KCNH1: variants seen among roughly 807,000 people sequenced by gnomAD.
KCNH1 encodes the protein potassium voltage-gated channel subfamily H member 1.
A neutral mutation model predicts 69.2 loss-of-function variants in KCNH1; 27 were observed. The ratio of observed to expected loss-of-function variants is 0.39; its 90% confidence interval spans 0.29 to 0.54. KCNH1 has a LOEUF of 0.54. Ranked by LOEUF, KCNH1 falls within the 20% of genes least tolerant of loss-of-function variation. The pLI, the probability that KCNH1 is intolerant of heterozygous loss-of-function variation, is 0.68. For missense variants in KCNH1, 798 were observed against 1,261.6 expected, an observed-to-expected ratio of 0.63 and a Z score of 5.57; for synonymous variants, 456 against 487.7, an observed-to-expected ratio of 0.93 and a Z score of 0.86.
rs115607824 is a variant in KCNH1 at position 210,957,360 on chromosome 1, C to A, written c.1033-37291G>T. Among the ~76,000 whole-genome samples the A allele has an allele frequency of 2.0e-5, 3 of 151,974 alleles. No individual in the cohort carries two copies. In the East Asian group the frequency reaches 5.8e-4, roughly 29 times the overall value. ...TATGTTGTCAATTGTAGAAAAAGTG[C>A]GATGTGGTTCTGAGAAGAATGTATA... On this transcript the variant is annotated intron_variant, in intron 6 of 10. Coordinates refer to ENST00000271751, the MANE Select transcript of KCNH1 (RefSeq NM_172362.3).
At chr1:211,015,264 C>T (rs1048811551) in intron 6 of KCNH1, among the ~76,000 whole-genome samples, 1 of 152,172 alleles carries the variant, frequency 6.6e-6, no homozygotes, top group African/African-American at 2.4e-5. Flanking sequence ...TCAGTTTTGA[C>T]TCAACTGTCC....
intron 9 of KCNH1, among the ~76,000 whole-genome samples, chr1:210,794,358 A>G (rs1044250840): frequency 1.3e-5 from 2 of 152,208 alleles, no homozygotes; most frequent in African/African-American, 4.8e-5. Flanking sequence ...AGCTTTTTCT[A>G]GTGTAGACAG....
At chr1:211,083,188 G>A (rs1483264959) in intron 4 of KCNH1, among the ~76,000 whole-genome samples, 3 of 152,218 alleles carry the variant, frequency 2.0e-5, no homozygotes, top group African/African-American at 7.2e-5. Context: ...CAGAGTGCCT[G>A]GACAATGAGA....
intron 10 of KCNH1, among the ~76,000 whole-genome samples, chr1:210,738,945 C>T (rs1409708523): frequency 6.6e-6 from 1 of 152,142 alleles, no homozygotes; most frequent in African/African-American, 2.4e-5. Flanking sequence ...CCAATAAATT[C>T]TCCTTTTTCT....
chr1:210,870,287 G>A (rs544078685), intron 7 of KCNH1, among the ~76,000 whole-genome samples: 49 of 152,204 alleles, frequency 3.2e-4, no homozygotes, highest in African/African-American at 7.5e-4. Flanking sequence ...AAAACATCCA[G>A]TGTTGTCCCT....
chr1:211,133,804 A>G lies in KCNH1; in HGVS notation c.79+63T>C. 2.8e-6 allele frequency: 4 copies of G among 1,442,330 alleles called. No individual in the cohort carries two copies. The East Asian group carries it at 9.6e-5, about 35-fold the overall frequency. The allele number at this position is 1,442,330 out of a possible 1,614,324, so 89.3% of individuals were successfully genotyped here. ...GCATCTGCTGGCTCCGAGCGGCGAG[A>G]GGTTCTGCAATAAAGGCACGGATAA... On this transcript the variant is annotated intron_variant, in intron 1 of 10. Coordinates refer to ENST00000271751, the MANE Select transcript of KCNH1 (RefSeq NM_172362.3). This position sits in a 1 kb window ranked among gnomAD's most constrained non-coding sequence, Gnocchi z 5.4.
chr1:210,766,386 A>G (rs1286649258), intron 10 of KCNH1, among the ~76,000 whole-genome samples: 1 of 152,158 alleles, frequency 6.6e-6, no homozygotes, highest in Non-Finnish European at 1.5e-5. Context: ...TTAGCTGGGC[A>G]TAGTGGCACA....
intron 5 of KCNH1, among the ~76,000 whole-genome samples, chr1:211,025,944 A>G (rs893308313): frequency 6.6e-6 from 1 of 152,102 alleles, no homozygotes; most frequent in Non-Finnish European, 1.5e-5. Context: ...TTGTTTGATC[A>G]CCAATAGTCT....
chr1:211,076,909 C>T (rs931723499), intron 5 of KCNH1, among the ~76,000 whole-genome samples: 1 of 152,120 alleles, frequency 6.6e-6, no homozygotes, highest in African/African-American at 2.4e-5. Flanking sequence ...GTAGAGTAGA[C>T]CTTAAATGAC....
intron 7 of KCNH1, among the ~76,000 whole-genome samples, chr1:210,822,813 C>A (rs1056736410): frequency 6.6e-6 from 1 of 152,172 alleles, no homozygotes; most frequent in Non-Finnish European, 1.5e-5. Flanking sequence ...CTCCAAGGTT[C>A]TCCTCTGGGC....
At chr1:210,983,937 T>C (rs1688769205) in intron 6 of KCNH1, among the ~76,000 whole-genome samples, 1 of 152,230 alleles carries the variant, frequency 6.6e-6, no homozygotes, top group Non-Finnish European at 1.5e-5. Flanking sequence ...TTGTATCCTC[T>C]TTTATTGCAT....
intron 6 of KCNH1, among the ~76,000 whole-genome samples, chr1:211,012,749 G>A (rs1354945466): frequency 6.6e-6 from 1 of 152,102 alleles, no homozygotes; most frequent in Non-Finnish European, 1.5e-5. Flanking sequence ...TCCAAAGAAT[G>A]AACCCTCGTG....
At chr1:210,709,472 GACAAT>G (rs1448500219) in intron 10 of KCNH1, among the ~76,000 whole-genome samples, 1 of 152,150 alleles carries the variant, frequency 6.6e-6, no homozygotes, top group Non-Finnish European at 1.5e-5. Flanking sequence ...AGAACTGTGA[GACAAT>G]ACATTTCTGT....
rs182180766 is a variant in KCNH1 at position 210,826,172 on chromosome 1, C to G, written c.1463-22006G>C. 1.1e-4 allele frequency among the ~76,000 whole-genome samples: 17 copies of G among 151,892 alleles called. No homozygotes were observed. In the East Asian group the frequency reaches 2.5e-3, roughly 22 times the overall value. On this transcript the variant is annotated intron_variant, in intron 7 of 10. Coordinates refer to ENST00000271751, the MANE Select transcript of KCNH1 (RefSeq NM_172362.3). The stretch of plus-strand genomic sequence containing the variant: ...TTTCAAAATTAAAAACTAGTTCTTC[C>G]CCAAAGATAGCCTGAGAAGTACTGA...
chr1:210,929,328 C>G (rs754009531), intron 6 of KCNH1, among the ~76,000 whole-genome samples: 14 of 152,110 alleles, frequency 9.2e-5, no homozygotes, highest in Non-Finnish European at 1.8e-4. Context: ...GATAAACCAC[C>G]ATGATCAAGT....
intron 6 of KCNH1, among the ~76,000 whole-genome samples, chr1:211,007,865 C>A (rs1266470521): frequency 6.6e-6 from 1 of 152,284 alleles, no homozygotes. Context: ...TAGATGGCTA[C>A]TCTCATCCAT....
At chr1:210,698,071 T>C (rs1050729497) in intron 10 of KCNH1, among the ~76,000 whole-genome samples, 2 of 152,230 alleles carry the variant, frequency 1.3e-5, no homozygotes, top group Non-Finnish European at 2.9e-5. Context: ...GAATCCAATA[T>C]AGAACAGGAA....
chr1:210,873,439 C>A lies in KCNH1; in HGVS notation c.1462+46201G>T, dbSNP rs181785722. On this transcript the variant is annotated intron_variant, in intron 7 of 10. Transcript: ENST00000271751. Reference sequence around the variant, plus strand: ...TATAGCTTACTGCAGCATTCAACTCCTGGGCTCAAGTGATTCTCTCTCCTC... The same window carrying A: ...TATAGCTTACTGCAGCATTCAACTCATGGGCTCAAGTGATTCTCTCTCCTC... Among the ~76,000 whole-genome samples, 589 of 152,274 alleles carry A rather than the reference C, an allele frequency of 3.9e-3. 6 individuals carry two copies. Among genetic ancestry groups the A allele is most frequent in the African/African-American group, 0.014 (562 of 41,540 alleles).
intron 6 of KCNH1, among the ~76,000 whole-genome samples, chr1:210,947,189 A>G (rs2102594735): frequency 6.6e-6 from 1 of 152,258 alleles, no homozygotes; most frequent in South Asian, 2.1e-4. Context: ...GGGTGAGACC[A>G]CCTGCCCTAG....
Sources: gnomAD v4.1 joint callset for allele counts (sites outside exome capture counted in the v4.1 genomes callset) on GRCh38, gnomAD v4.1.1 for gene constraint, Gnocchi (gnomAD v3.1) non-coding constraint, MANE v1.5 for transcripts, NCBI Gene and HGNC (gene_info 2026-07-23, HGNC 2026-07-21) for gene names.